The following ASTN2 variants were observed in gnomAD, a reference collection of about 807,000 sequenced individuals.
The protein encoded by ASTN2 is astrotactin-2.
In ASTN2, 54 loss-of-function variants were observed where a neutral mutation model predicts 139.8. The ratio of observed to expected loss-of-function variants is 0.39; its 90% CI spans 0.31 to 0.48. The LOEUF is 0.48. Among genes scored for constraint, ASTN2 ranks in the 20% least tolerant of loss-of-function variants. The probability of loss-of-function intolerance (pLI) is 0.95; values close to 1 mark genes in which losing one functional copy is unlikely to be tolerated. For missense variants in ASTN2, 1,565 were observed against 1,725.1 expected (o/e 0.91, Z 1.64); for synonymous variants, 756 against 719.5 (o/e 1.05, Z -0.81).
At chr9:116,466,390 G>A (rs192684542) in intron 20 of ASTN2, among the ~76,000 whole-genome samples, 22 of 152,290 alleles carry the variant, frequency 1.4e-4, no homozygotes, top group Middle Eastern at 3.4e-3. Context: ...GAGTCTTGAC[G>A]TCATTGGCTC....
At chr9:116,674,802 C>A (rs1409440635) in intron 16 of ASTN2, among the ~76,000 whole-genome samples, 1 of 152,128 alleles carries the variant, frequency 6.6e-6, no homozygotes, top group Non-Finnish European at 1.5e-5. Flanking sequence ...GCTTCAACTC[C>A]CTATGATTTC....
At chr9:116,658,559 T>C (rs1858363724) in intron 16 of ASTN2, among the ~76,000 whole-genome samples, 1 of 151,988 alleles carries the variant, frequency 6.6e-6, no homozygotes, top group East Asian at 1.9e-4. Context: ...CAAAGAGAAA[T>C]GGCACTGTTC....
intron 10 of ASTN2, among the ~76,000 whole-genome samples, chr9:116,894,800 A>G (rs934538535): frequency 6.6e-6 from 1 of 152,162 alleles, no homozygotes; most frequent in South Asian, 2.1e-4. Context: ...TATTTGCGCA[A>G]TGTCTCATTT....
intron 19 of ASTN2, among the ~76,000 whole-genome samples, chr9:116,547,936 G>A (rs547887833): frequency 1.3e-5 from 2 of 152,210 alleles, no homozygotes; most frequent in Admixed American, 1.3e-4. Context: ...GGCAGCAGCT[G>A]CGGGAGGCAT....
chr9:117,305,818 A>G (rs1038027585), intron 1 of ASTN2, among the ~76,000 whole-genome samples: 2 of 152,246 alleles, frequency 1.3e-5, no homozygotes, highest in African/African-American at 4.8e-5. Flanking sequence ...TGACTTAAGG[A>G]TAATGATAAA....
intron 5 of ASTN2, among the ~76,000 whole-genome samples, chr9:117,079,738 T>C (rs1828375514): frequency 6.6e-6 from 1 of 152,244 alleles, no homozygotes; most frequent in Non-Finnish European, 1.5e-5. Flanking sequence ...ATAAAAGGGA[T>C]GAACACTGTT....
chr9:116,703,049 G>A (rs1219273721), intron 16 of ASTN2, among the ~76,000 whole-genome samples: 2 of 151,756 alleles, frequency 1.3e-5, no homozygotes, highest in Non-Finnish European at 2.9e-5. Flanking sequence ...CTGAGGAATC[G>A]CCACACTGAC....
At chr9:116,970,179 C>T (rs1219706227) in intron 10 of ASTN2, among the ~76,000 whole-genome samples, 2 of 152,106 alleles carry the variant, frequency 1.3e-5, no homozygotes. Flanking sequence ...GAATAATCAA[C>T]CTATGACAAG....
chr9:116,596,868 A>C (rs868666277), intron 19 of ASTN2, among the ~76,000 whole-genome samples: 14 of 152,172 alleles, frequency 9.2e-5, no homozygotes, highest in African/African-American at 3.4e-4. Context: ...AGTTAAGGGA[A>C]TCACTAGAGG....
At chr9:116,660,220 GA>G (rs1450828600) in intron 16 of ASTN2, among the ~76,000 whole-genome samples, 1 of 151,034 alleles carries the variant, frequency 6.6e-6, no homozygotes, top group Non-Finnish European at 1.5e-5. Context: ...GGAATGGAAA[GA>G]AAAGCAACAG....
At chr9:117,267,375 T>G (rs1047293179) in intron 2 of ASTN2, among the ~76,000 whole-genome samples, 3 of 152,160 alleles carry the variant, frequency 2.0e-5, no homozygotes, top group African/African-American at 7.2e-5. Context: ...TTAATAGTGT[T>G]GCACCCTGGG....
intron 2 of ASTN2, among the ~76,000 whole-genome samples, chr9:117,221,070 A>T (rs1228171694): frequency 6.6e-6 from 1 of 152,174 alleles, no homozygotes; most frequent in East Asian, 1.9e-4. Context: ...ACACATCCAG[A>T]AGCTGACAAT....
chr9:117,322,511 C>A (rs575837777), intron 1 of ASTN2, among the ~76,000 whole-genome samples: 1 of 152,318 alleles, frequency 6.6e-6, no homozygotes, highest in East Asian at 1.9e-4. Flanking sequence ...TCTAACATCA[C>A]ACAGGCAGCA....
Position 116,425,529 on chromosome 9 carries a change from C to G in ASTN2, c.*322G>C. The G allele has an allele frequency of 6.3e-7, 1 of 1,593,316 alleles. No homozygotes were observed. Among genetic ancestry groups the G allele is most frequent in the South Asian group, 1.1e-5 (1 of 89,754 alleles). ...CAGGAAGAAGGAAGAAGAGCAAAGG[C>G]CGCTTGGTCTCCACCTGAAAACTTC... On this transcript the variant is annotated 3_prime_UTR_variant, in exon 23 of 23. Transcript: ENST00000313400.
intron 5 of ASTN2, among the ~76,000 whole-genome samples, chr9:117,078,896 C>A (rs916340584): frequency 6.6e-6 from 1 of 152,070 alleles, no homozygotes; most frequent in African/African-American, 2.4e-5. Flanking sequence ...CCACCATGCC[C>A]TGCTAATTTT....
At chr9:116,838,399 C>T (rs1389729076) in intron 11 of ASTN2, among the ~76,000 whole-genome samples, 1 of 150,632 alleles carries the variant, frequency 6.6e-6, no homozygotes, top group South Asian at 2.1e-4. Context: ...CTGTGAGGCA[C>T]CGCACCCAGC....
At chr9:117,008,313 G>C (rs1837419246) in intron 6 of ASTN2, 54 bp from the exon 7 acceptor site, 1 of 1,476,058 alleles carries the variant, frequency 6.8e-7, no homozygotes. Context: ...GGTCTTAGCT[G>C]ATGCTACAGA....
chr9:116,704,294 C>G (rs1827933416), intron 16 of ASTN2, among the ~76,000 whole-genome samples: 1 of 151,950 alleles, frequency 6.6e-6, no homozygotes, highest in South Asian at 2.1e-4. Flanking sequence ...TTTGCATAAT[C>G]TTTGTTATAA....
intron 6 of ASTN2, among the ~76,000 whole-genome samples, chr9:117,027,393 C>G (rs902403317): frequency 6.6e-6 from 1 of 152,180 alleles, no homozygotes; most frequent in Admixed American, 6.5e-5. Context: ...CTCCCAACCT[C>G]CAGGATAAAA....
Sources: allele counts gnomAD v4.1 joint callset (sites outside exome capture counted in the v4.1 genomes callset), GRCh38; gene constraint gnomAD v4.1.1; transcripts MANE v1.5; gene names NCBI Gene and HGNC (gene_info 2026-07-23, HGNC 2026-07-21).